Variants in CSNK1G1 observed in about 807,000 individuals in gnomAD.
The protein encoded by CSNK1G1 is casein kinase 1 gamma 1, also known as casein kinase I isoform gamma-1.
A neutral mutation model predicts 59.6 loss-of-function variants in CSNK1G1; 22 were observed. The ratio of observed to expected loss-of-function variants is 0.37; its 90% CI spans 0.26 to 0.53. The LOEUF (loss-of-function observed/expected upper bound fraction) is 0.53. Among genes scored for constraint, CSNK1G1 ranks in the 20% least tolerant of loss-of-function variants. CSNK1G1 has a pLI of 0.89. For synonymous variants in CSNK1G1, 179 were observed against 177.1 expected, an observed-to-expected ratio of 1.01 and a Z score of -0.08; for missense variants, 384 against 519.5, an observed-to-expected ratio of 0.74 and a Z score of 2.54.
intron 4 of CSNK1G1, among the ~76,000 whole-genome samples, chr15:64,246,350 A>C (rs1389354973): frequency 6.6e-6 from 1 of 152,140 alleles, no homozygotes; most frequent in Admixed American, 6.5e-5. Flanking sequence ...GGCTGGACAC[A>C]GTGGTTCATG....
At chr15:64,181,563 T>TA in intron 10 of CSNK1G1, 1 of 871,538 alleles carries the variant, frequency 1.1e-6, no homozygotes, top group Non-Finnish European at 1.7e-6. Context: ...TGTATGAGAC[T>TA]GTCTAGTATA....
At chr15:64,308,372 T>G (rs1434302676) in intron 1 of CSNK1G1, among the ~76,000 whole-genome samples, 4 of 152,144 alleles carry the variant, frequency 2.6e-5, no homozygotes, top group African/African-American at 9.7e-5. Flanking sequence ...GTGTTGGGAT[T>G]ACAGGAATGA....
chr15:64,252,085 T>C (rs1014692208), intron 3 of CSNK1G1, among the ~76,000 whole-genome samples: 1 of 151,612 alleles, frequency 6.6e-6, no homozygotes, highest in Non-Finnish European at 1.5e-5. Flanking sequence ...TTTTAGTGAA[T>C]GTCTTTCAAA....
intron 1 of CSNK1G1, among the ~76,000 whole-genome samples, chr15:64,325,814 A>G (rs529472300): frequency 6.6e-6 from 1 of 152,330 alleles, no homozygotes; most frequent in African/African-American, 2.4e-5. Flanking sequence ...GAGGGTAAGT[A>G]ATTGGCCTAA....
rs77542370 is a variant in CSNK1G1, at chr15:64,195,618, G to A, written c.1107+7464C>T. Among the ~76,000 whole-genome samples, 808 of 152,252 alleles carry A rather than the reference G, an allele frequency of 5.3e-3. 5 individuals carry two copies. The highest frequency in any genetic ancestry group is 0.017 in the African/African-American group (696 of 41,526). On this transcript the variant is annotated intron_variant, in intron 10 of 11. Coordinates refer to ENST00000303052, the MANE Select transcript of CSNK1G1 (RefSeq NM_022048.5). Reference sequence around the variant, plus strand: ...CTCTAATATCAGATCTGTGGATACCGGCAGGACTTACTTCCTGATTGAATT... The same window carrying A: ...CTCTAATATCAGATCTGTGGATACCAGCAGGACTTACTTCCTGATTGAATT...
At chr15:64,322,398 T>C (rs567994270) in intron 1 of CSNK1G1, among the ~76,000 whole-genome samples, 54 of 152,208 alleles carry the variant, frequency 3.5e-4, no homozygotes, top group Middle Eastern at 6.8e-3. Context: ...GCCCAAGGTC[T>C]TACTACATTG....
chr15:64,337,138 G>C (rs201043793), intron 1 of CSNK1G1, among the ~76,000 whole-genome samples: 4 of 152,262 alleles, frequency 2.6e-5, no homozygotes, highest in Admixed American at 2.0e-4. Context: ...TGAGGCAGGA[G>C]AATCGCTTGA....
At chr15:64,303,339 G>A (rs1276915444) in intron 1 of CSNK1G1, among the ~76,000 whole-genome samples, 2 of 151,118 alleles carry the variant, frequency 1.3e-5, no homozygotes, top group Non-Finnish European at 2.9e-5. Context: ...AATTGGCTGG[G>A]CATGGTGGCT....
rs534210612 is a variant in CSNK1G1 at position 64,213,999 on chromosome 15, C to G, written c.570G>C (p.Leu190=). ...EHVIHIIDFG[L]AKEYIDPETK... is the part of the protein sequence containing the mutation. ...TTTCGGGGTCAATGTATTCCTTGGC[C>G]AGTCCAAAGTCTATAATGTGTATAA... Residue 190 remains leucine, a synonymous_variant, in exon 6 of 12, where the codon CTG becomes CTC. Coordinates refer to ENST00000303052, the MANE Select transcript of CSNK1G1 (RefSeq NM_022048.5). 6.2e-7 allele frequency: 1 copy of G among 1,614,060 alleles called. No individual in the cohort carries two copies. The highest frequency in any genetic ancestry group is 8.5e-7 in the Non-Finnish European group (1 of 1,179,972).
chr15:64,225,856 A>G (rs1304912976), intron 4 of CSNK1G1, among the ~76,000 whole-genome samples: 2 of 151,970 alleles, frequency 1.3e-5, no homozygotes, highest in Admixed American at 1.3e-4. Context: ...TGAACTCCTG[A>G]CCTCAGGTGA....
At chr15:64,316,695 G>A (rs1479918398) in intron 1 of CSNK1G1, among the ~76,000 whole-genome samples, 1 of 152,110 alleles carries the variant, frequency 6.6e-6, no homozygotes, top group South Asian at 2.1e-4. Context: ...CAGGCAGACA[G>A]CCCAGCTCTG....
Position 64,216,520 on chromosome 15 carries a change from G to A in CSNK1G1, c.444+42C>T, listed in dbSNP as rs768150160. 1 of 1,597,796 alleles carries A rather than the reference G, an allele frequency of 6.3e-7. No individual in the cohort carries two copies. Among genetic ancestry groups the A allele is most frequent in the Admixed American group, 1.7e-5 (1 of 59,774 alleles). ...AAAAGGCCCACAAGGATGTGGCTGA[G>A]GAACCAGCTTATTCTCTTCTAGAAG... On this transcript the variant is annotated intron_variant, in intron 5 of 11. Coordinates refer to ENST00000303052, the MANE Select transcript of CSNK1G1 (RefSeq NM_022048.5). This position sits in a 1 kb window ranked among gnomAD's most constrained non-coding sequence, Gnocchi z 4.6.
intron 11 of CSNK1G1, 51 bp downstream of exon 11, chr15:64,180,297 A>T (rs1310477460): frequency 4.4e-6 from 6 of 1,354,228 alleles, no homozygotes; most frequent in Non-Finnish European, 6.4e-6. Context: ...GAAGAGACAG[A>T]AAAGATTTTT....
chr15:64,330,485 C>T lies in CSNK1G1; in HGVS notation c.-225+25503G>A, dbSNP rs1302578744. On this transcript the variant is annotated intron_variant, in intron 1 of 11. Transcript: ENST00000303052. Reference sequence around the variant, plus strand: ...TGACAAAATTCAACAACCCTTCATGCTAAAAACTCTCAATAAATTAGGTAT... The same window carrying T: ...TGACAAAATTCAACAACCCTTCATGTTAAAAACTCTCAATAAATTAGGTAT... 3.6e-3 allele frequency among the ~76,000 whole-genome samples: 508 copies of T among 139,538 alleles called. 3 individuals are homozygous for T. The highest frequency in any genetic ancestry group is 0.013 in the African/African-American group (492 of 36,986). 91.5% of individuals were successfully genotyped at this position (139,538 alleles called of 152,430 possible).
chr15:64,353,010 AC>A (rs762332548), intron 1 of CSNK1G1, among the ~76,000 whole-genome samples: 2 of 152,000 alleles, frequency 1.3e-5, no homozygotes, highest in Non-Finnish European at 2.9e-5. Context: ...AACTGCTTGA[AC>A]TTAGCAGGCG....
chr15:64,269,650 C>T (rs577737119), intron 2 of CSNK1G1, among the ~76,000 whole-genome samples: 5 of 151,472 alleles, frequency 3.3e-5, no homozygotes, highest in African/African-American at 9.7e-5. Flanking sequence ...CATACTACCA[C>T]GTCCAGCTAA....
chr15:64,309,702 C>A (rs539033136), intron 1 of CSNK1G1, among the ~76,000 whole-genome samples: 41 of 152,254 alleles, frequency 2.7e-4, no homozygotes, highest in Non-Finnish European at 5.4e-4. Context: ...ATCTGCCATG[C>A]GTTATCATTG....
intron 4 of CSNK1G1, among the ~76,000 whole-genome samples, chr15:64,224,985 T>C (rs938925503): frequency 4.7e-5 from 7 of 149,636 alleles, no homozygotes; most frequent in Non-Finnish European, 5.9e-5. Context: ...CTATAGTAGA[T>C]AGAATCCAAA....
At chr15:64,257,228 C>T (rs1032012732) in intron 3 of CSNK1G1, among the ~76,000 whole-genome samples, 10 of 151,608 alleles carry the variant, frequency 6.6e-5, no homozygotes, top group African/African-American at 2.2e-4. Flanking sequence ...TGAAATGTAA[C>T]GATCAATCAT....
Sources: allele counts gnomAD v4.1 joint callset (sites outside exome capture counted in the v4.1 genomes callset), GRCh38; gene constraint gnomAD v4.1.1; non-coding constraint Gnocchi (gnomAD v3.1); transcripts MANE v1.5; gene names NCBI Gene and HGNC (gene_info 2026-07-23, HGNC 2026-07-21).